Variants in CREBL2 observed in about 807,000 individuals in gnomAD.
The protein encoded by CREBL2 is cAMP-responsive element-binding protein-like 2.
A neutral mutation model predicts 19.5 loss-of-function variants in CREBL2; 4 were observed. That is an observed-to-expected ratio of 0.20 (90% CI 0.10 to 0.47). The LOEUF is 0.47. Among genes scored for constraint, CREBL2 ranks in the 20% least tolerant of loss-of-function variants. The pLI, the probability that CREBL2 is intolerant of heterozygous loss-of-function variation, is 0.98. For missense variants in CREBL2, 85 were observed against 145.1 expected, an observed-to-expected ratio of 0.59 and a Z score of 2.13; for synonymous variants, 42 against 46.6, an observed-to-expected ratio of 0.90 and a Z score of 0.40.
At chr12:12,640,993 A>G (rs1161260527) in intron 3 of CREBL2, among the ~76,000 whole-genome samples, 8 of 151,982 alleles carry the variant, frequency 5.3e-5, no homozygotes, top group African/African-American at 1.7e-4. Flanking sequence ...CATGTTTTCT[A>G]AGAATTTTAT....
At chr12:12,636,373 A>G (rs1945475373) in intron 2 of CREBL2, among the ~76,000 whole-genome samples, 1 of 152,250 alleles carries the variant, frequency 6.6e-6, no homozygotes, top group Non-Finnish European at 1.5e-5. Context: ...GTAACTATGC[A>G]TAGCATACCA....
intron 1 of CREBL2, among the ~76,000 whole-genome samples, chr12:12,629,940 A>G (rs982945986): frequency 1.3e-5 from 2 of 152,162 alleles, no homozygotes; most frequent in East Asian, 3.8e-4. Context: ...TCAAACCAAC[A>G]TTTATTCTTG....
intron 1 of CREBL2, among the ~76,000 whole-genome samples, chr12:12,627,597 A>G (rs1945412210): frequency 6.6e-6 from 1 of 152,182 alleles, no homozygotes; most frequent in Non-Finnish European, 1.5e-5. Context: ...TTGTATGGAT[A>G]TACTACTTTT....
intron 1 of CREBL2, among the ~76,000 whole-genome samples, chr12:12,626,857 G>A (rs1175654363): frequency 2.0e-5 from 3 of 148,498 alleles, no homozygotes; most frequent in African/African-American, 7.5e-5. Context: ...GCAACATAGC[G>A]AGGCCCTGTT....
At chr12:12,626,553 A>G (rs1384452935) in intron 1 of CREBL2, among the ~76,000 whole-genome samples, 2 of 152,368 alleles carry the variant, frequency 1.3e-5, no homozygotes, top group African/African-American at 4.8e-5. Flanking sequence ...TTTTTAAAAA[A>G]TAATAGCTTT....
Position 12,612,196 on chromosome 12 carries a change from T to G in CREBL2, c.15+9T>G. ...CGATGGATGACAGTAAGGTAAGTCTTGTGGTTTGCACGCGCCGCCGCCTTC... is the reference window on the plus strand; with the variant it reads ...CGATGGATGACAGTAAGGTAAGTCTGGTGGTTTGCACGCGCCGCCGCCTTC... On this transcript the variant is annotated intron_variant, in intron 1 of 3. Coordinates refer to ENST00000228865, the MANE Select transcript of CREBL2 (RefSeq NM_001310.4). 6.2e-7 allele frequency: 1 copy of G among 1,613,598 alleles called. No individual in the cohort carries two copies. Among genetic ancestry groups the G allele is most frequent in the Non-Finnish European group, 8.5e-7 (1 of 1,179,990 alleles).
intron 1 of CREBL2, among the ~76,000 whole-genome samples, chr12:12,617,278 A>C (rs749946847): frequency 4.6e-5 from 7 of 152,226 alleles, no homozygotes; most frequent in Non-Finnish European, 1.0e-4. Context: ...CAGCCAGCAC[A>C]TACTTACAAT....
rs78008225 is a variant in CREBL2, at chr12:12,635,141, G to A, written c.16-636G>A. ...TTGGGAGGCCAAGGCAAATGGATCA[G>A]TTAAGCCTAGGAGTTGGAGACCAGC... is the stretch of plus-strand genomic sequence containing the variant. On this transcript the variant is annotated intron_variant, in intron 1 of 3. Coordinates refer to ENST00000228865, the MANE Select transcript of CREBL2 (RefSeq NM_001310.4). Among the ~76,000 whole-genome samples, 304 of 151,816 alleles carry A rather than the reference G, an allele frequency of 2.0e-3. 1 individual carries two copies. Among genetic ancestry groups the A allele is most frequent in the Non-Finnish European group, 3.8e-3 (258 of 67,898 alleles).
At chr12:12,641,250 A>T (rs200300347) in intron 3 of CREBL2, among the ~76,000 whole-genome samples, 1,916 of 57,528 alleles carry the variant, frequency 0.033, 78 homozygotes, top group East Asian at 0.058. Context: ...TATTATTATT[A>T]TTATTTTTTT....
intron 3 of CREBL2, among the ~76,000 whole-genome samples, chr12:12,641,284 A>C: frequency 1.1e-5 from 1 of 87,502 alleles, no homozygotes; most frequent in Admixed American, 1.3e-4. Context: ...TTTTAGGTCA[A>C]CCTCTGGGAG....
At chr12:12,623,312 G>C (rs956128481) in intron 1 of CREBL2, among the ~76,000 whole-genome samples, 5 of 151,876 alleles carry the variant, frequency 3.3e-5, no homozygotes, top group African/African-American at 1.2e-4. Flanking sequence ...GAGGAGCTCA[G>C]ACTACTTGGG....
chr12:12,642,175 C>T lies in CREBL2; in HGVS notation c.*177C>T, dbSNP rs1945528029. ...TAGATCTCAAAGGATCTTGCTTTAA[C>T]TTTCAACACTTAGAAAATCTACAAA... On this transcript the variant is annotated 3_prime_UTR_variant, in exon 4 of 4. Transcript: ENST00000228865. The T allele has an allele frequency of 2.3e-6, 1 of 426,748 alleles. No homozygotes were observed. Among genetic ancestry groups the T allele is most frequent in the Non-Finnish European group, 4.1e-6 (1 of 241,114 alleles). The allele number at this position is 426,748 out of a possible 1,614,324, so 26.4% of individuals were successfully genotyped here.
intron 1 of CREBL2, among the ~76,000 whole-genome samples, chr12:12,629,275 T>A (rs960528992): frequency 1.3e-5 from 2 of 152,136 alleles, no homozygotes; most frequent in Non-Finnish European, 2.9e-5. Flanking sequence ...ATTTATCAGA[T>A]CTTCTTTAAT....
At chr12:12,623,488 A>G (rs1167796191) in intron 1 of CREBL2, among the ~76,000 whole-genome samples, 7 of 152,246 alleles carry the variant, frequency 4.6e-5, no homozygotes, top group Non-Finnish European at 8.8e-5. Flanking sequence ...TTAACAAAAT[A>G]AAACAAGATT....
intron 1 of CREBL2, among the ~76,000 whole-genome samples, chr12:12,616,364 C>T (rs759778429): frequency 1.5e-4 from 23 of 152,256 alleles, no homozygotes; most frequent in African/African-American, 2.6e-4. Context: ...GCAAGCTATC[C>T]GTGAATTACT....
chr12:12,615,040 G>C (rs1945299366), intron 1 of CREBL2, among the ~76,000 whole-genome samples: 1 of 151,928 alleles, frequency 6.6e-6, no homozygotes, highest in African/African-American at 2.4e-5. Context: ...TTTTGAGACA[G>C]GGTCTTGCTC....
At chr12:12,626,930 C>G (rs971003703) in intron 1 of CREBL2, among the ~76,000 whole-genome samples, 1 of 149,534 alleles carries the variant, frequency 6.7e-6, no homozygotes, top group African/African-American at 2.5e-5. Context: ...TATCAAGCCA[C>G]GAAAAGTCAT....
rs1028541826 is a variant in CREBL2 at position 12,644,502 on chromosome 12, G to A, written c.*2504G>A. On this transcript the variant is annotated 3_prime_UTR_variant, in exon 4 of 4. Coordinates refer to ENST00000228865, the MANE Select transcript of CREBL2 (RefSeq NM_001310.4). Reference sequence around the variant, plus strand: ...TATTTTCCCAAAGAAAGAAAAGGGGGAAAATATATTTGTATGTTTAGACCA... The same window carrying A: ...TATTTTCCCAAAGAAAGAAAAGGGGAAAAATATATTTGTATGTTTAGACCA... The A allele has an allele frequency of 6.6e-6, 1 of 152,520 alleles. No individual in the cohort carries two copies. The highest frequency in any genetic ancestry group is 1.5e-5 in the Non-Finnish European group (1 of 68,026). The allele number at this position is 152,520 out of a possible 1,614,324, so 9.4% of individuals were successfully genotyped here.
intron 2 of CREBL2, 56 bp from the exon 3 acceptor site, chr12:12,637,514 G>A (rs1945483909): frequency 2.5e-5 from 28 of 1,129,864 alleles, no homozygotes; most frequent in East Asian, 3.4e-5. Flanking sequence ...ACAAGTAAAA[G>A]TTAATTTAAA....
Sources: gnomAD v4.1 joint callset for allele counts (sites outside exome capture counted in the v4.1 genomes callset) on GRCh38, gnomAD v4.1.1 for gene constraint, MANE v1.5 for transcripts, NCBI Gene and HGNC (gene_info 2026-07-23, HGNC 2026-07-21) for gene names.